TFDP1: variants seen among roughly 807,000 people sequenced by gnomAD.
TFDP1 encodes the protein DRTF1-polypeptide 1.
TFDP1 carries 6 observed loss-of-function variants against 48.0 expected under a neutral mutation model. The ratio of observed to expected loss-of-function variants is 0.13; its 90% CI spans 0.07 to 0.25. The LOEUF is 0.25. Ranked by LOEUF, TFDP1 falls within the 10% of genes least tolerant of loss-of-function variation. The pLI is 1.00. For missense variants in TFDP1, 335 were observed against 543.0 expected (o/e 0.62, Z 3.81); for synonymous variants, 201 against 211.6 (o/e 0.95, Z 0.44).
intron 3 of TFDP1, among the ~76,000 whole-genome samples, chr13:113,615,613 A>C (rs2048837166): frequency 6.6e-6 from 1 of 152,108 alleles, no homozygotes; most frequent in Non-Finnish European, 1.5e-5. Flanking sequence ...ACACTGTTCC[A>C]CACGTTTAGG....
intron 2 of TFDP1, among the ~76,000 whole-genome samples, chr13:113,606,478 A>AG (rs1245156153): frequency 6.6e-6 from 1 of 152,060 alleles, no homozygotes; most frequent in Admixed American, 6.6e-5. Context: ...CCCCTTTATC[A>AG]GGGCACATAC....
intron 3 of TFDP1, among the ~76,000 whole-genome samples, chr13:113,619,620 C>T (rs1397730525): frequency 2.6e-5 from 4 of 152,082 alleles, no homozygotes; most frequent in Non-Finnish European, 5.9e-5. Flanking sequence ...TCGCTGTGGT[C>T]GGGTGGCTGT....
chr13:113,588,816 TG>T lies in TFDP1; in HGVS notation c.12+2968del, dbSNP rs890563069. ...TGGTAGACTCGGGGACAGTGAGTGG[TG>T]ATGGTAGATTGGATGGAGAGTGAGT... On this transcript the variant is annotated intron_variant, in intron 2 of 11. Transcript: ENST00000375370. Among the ~76,000 whole-genome samples, 27 of 147,306 alleles carry T rather than the reference TG, an allele frequency of 1.8e-4. 1 individual carries two copies. Among genetic ancestry groups the T allele is most frequent in the Non-Finnish European group, 3.4e-4 (23 of 67,130 alleles).
Position 113,636,690 on chromosome 13 carries a change from A to G in TFDP1, c.996A>G (p.Pro332=), listed in dbSNP as rs2140643205. 1.9e-6 allele frequency: 3 copies of G among 1,609,464 alleles called. No individual in the cohort carries two copies. Among genetic ancestry groups the G allele is most frequent in the Non-Finnish European group, 2.5e-6 (3 of 1,179,858 alleles). The change falls in exon 10 of 12, where the codon CCA becomes CCG. Residue 332 remains proline, a synonymous_variant. Transcript: ENST00000375370. ...ARSLVPKALE[P]YVTEMAQGTV... is the part of the protein sequence containing the mutation. ...GTCTGGTCCCCAAGGCTCTGGAGCC[A>G]TACGTGACAGGTCAGCAATGCCCAG...
Position 113,637,481 on chromosome 13 carries a change from G to A in TFDP1, c.1007-337G>A, listed in dbSNP as rs993114714. 2.0e-5 allele frequency: 18 copies of A among 903,348 alleles called. No homozygotes were observed. The African/African-American group carries it at 2.6e-4, about 13-fold the overall frequency. The allele number at this position is 903,348 out of a possible 1,614,324, so 56.0% of individuals were successfully genotyped here. A position where few individuals can be genotyped will look rare whatever the true frequency, so the allele number is the denominator to read the frequency against. ...CTTCATGGAGCTGCCAGGATGGGCT[G>A]TGGGAAGAGGGTTTCAGCTTGACAC... On this transcript the variant is annotated intron_variant, in intron 10 of 11. Coordinates refer to ENST00000375370, the MANE Select transcript of TFDP1 (RefSeq NM_007111.5).
chr13:113,637,519 C>T, intron 10 of TFDP1: 1 of 1,207,434 alleles, frequency 8.3e-7, no homozygotes, highest in East Asian at 3.7e-5. Flanking sequence ...TGATTCGGTT[C>T]CGTTTCACGA....
Position 113,636,034 on chromosome 13 carries a change from C to T in TFDP1, c.745C>T (p.Arg249Trp), listed in dbSNP as rs780356196. The T allele has an allele frequency of 7.4e-6, 12 of 1,614,078 alleles. No individual in the cohort carries two copies. The highest frequency in any genetic ancestry group is 1.1e-5 in the South Asian group (1 of 91,084). The change falls in exon 9 of 12, where the codon CGG becomes TGG. Residue 249 changes from arginine to tryptophan, a missense_variant. Physicochemically the swap from Arg to Trp is moderately radical, Grantham distance 101. Transcript: ENST00000375370. Reference protein sequence around the residue: ...RNRHAEQQASRPPPPNSVIHL... With the variant: ...RNRHAEQQASWPPPPNSVIHL... ...CCGGCATGCGGAGCAGCAGGCCAGC[C>T]GGCCACCGCCACCCAACTCAGTCAT... is the stretch of plus-strand genomic sequence containing the variant.
rs1242786889 is a variant in TFDP1 at position 113,598,518 on chromosome 13, C to G, written c.13-12478C>G. On this transcript the variant is annotated intron_variant, in intron 2 of 11. Transcript: ENST00000375370. The surrounding 1 kb of genome is among the most constrained non-coding windows in gnomAD (Gnocchi z 4.2). ...TGGGGCTTCAGAATCCACTGGTTTC[C>G]TGAAGGTTCTGGTGCCCCCGAAGCA... Among the ~76,000 whole-genome samples, 1 of 152,146 alleles carries G rather than the reference C, an allele frequency of 6.6e-6. No individual in the cohort carries two copies. Among genetic ancestry groups the G allele is most frequent in the Non-Finnish European group, 1.5e-5 (1 of 68,028 alleles).
intron 2 of TFDP1, among the ~76,000 whole-genome samples, chr13:113,602,133 C>T (rs3751452): frequency 0.47 from 69,329 of 146,884 alleles, 17,879 homozygotes; most frequent in African/African-American, 0.7. Flanking sequence ...CAGAGTTACC[C>T]GCAGGAGTTG....
rs879064589 is a variant in TFDP1, at chr13:113,633,763, T to C, written c.475-127T>C. 3 of 1,160,680 alleles carry C rather than the reference T, an allele frequency of 2.6e-6. No individual in the cohort carries two copies. The highest frequency in any genetic ancestry group is 6.0e-4 in the Middle Eastern group (2 of 3,336). The allele number at this position is 1,160,680 out of a possible 1,614,324, so 71.9% of individuals were successfully genotyped here. ...TCATCTGTGGGGTGGGAGCGCTCCCTGAGGGCATGTTGGGGTGGCGGCTCC... is the reference window on the plus strand; with the variant it reads ...TCATCTGTGGGGTGGGAGCGCTCCCCGAGGGCATGTTGGGGTGGCGGCTCC... On this transcript the variant is annotated intron_variant, in intron 6 of 11. Coordinates refer to ENST00000375370, the MANE Select transcript of TFDP1 (RefSeq NM_007111.5). This position sits in a 1 kb window ranked among gnomAD's most constrained non-coding sequence, Gnocchi z 4.5.
intron 8 of TFDP1, among the ~76,000 whole-genome samples, chr13:113,634,878 C>CGT (rs4150798): frequency 4.7e-5 from 7 of 150,064 alleles, no homozygotes; most frequent in African/African-American, 1.7e-4. Context: ...TGCCTGTGTG[C>CGT]GTGTGCATGT....
chr13:113,634,700 C>G (rs1594534743), intron 8 of TFDP1, 98 bp downstream of exon 8: 1 of 847,836 alleles, frequency 1.2e-6, no homozygotes, highest in Non-Finnish European at 1.9e-6. Context: ...TCCTGCATGG[C>G]AAATCAAATG....
At chr13:113,593,429 T>TG (rs2048199624) in intron 2 of TFDP1, among the ~76,000 whole-genome samples, 1 of 144,934 alleles carries the variant, frequency 6.9e-6, no homozygotes, top group Non-Finnish European at 1.5e-5. Context: ...ACAGGTGTGC[T>TG]GTGTGCTGAT....
chr13:113,605,491 G>T (rs1383861350), intron 2 of TFDP1, among the ~76,000 whole-genome samples: 6 of 152,244 alleles, frequency 3.9e-5, no homozygotes. Context: ...GCGGCTGTGG[G>T]TCAGGAGTTT....
chr13:113,600,946 A>G (rs757812620), intron 2 of TFDP1, among the ~76,000 whole-genome samples: 2 of 152,204 alleles, frequency 1.3e-5, no homozygotes, highest in African/African-American at 4.8e-5. Flanking sequence ...ATGAGACAGA[A>G]GCCTTGCACG....
intron 3 of TFDP1, among the ~76,000 whole-genome samples, chr13:113,612,113 C>G (rs2048722760): frequency 6.6e-6 from 1 of 152,180 alleles, no homozygotes; most frequent in Non-Finnish European, 1.5e-5. Context: ...GTGTGGTGAC[C>G]AGGCCCCCAC....
chr13:113,615,005 A>G (rs960028917), intron 3 of TFDP1, among the ~76,000 whole-genome samples: 1 of 152,098 alleles, frequency 6.6e-6, no homozygotes, highest in Non-Finnish European at 1.5e-5. Context: ...TGGATAGAGC[A>G]CCGTCAGGTT....
In TFDP1 at chr13:113,627,194, G is replaced by A. The variant is rs1041225717; in HGVS notation, c.186+3908G>A. 1.2e-4 allele frequency among the ~76,000 whole-genome samples: 18 copies of A among 152,224 alleles called. No individual in the cohort carries two copies. Among genetic ancestry groups the A allele is most frequent in the Non-Finnish European group, 2.1e-4 (14 of 68,044 alleles). On this transcript the variant is annotated intron_variant, in intron 4 of 11. Coordinates refer to ENST00000375370, the MANE Select transcript of TFDP1 (RefSeq NM_007111.5). The surrounding 1 kb of genome is among the most constrained non-coding windows in gnomAD (Gnocchi z 4.1). The stretch of plus-strand genomic sequence containing the variant: ...CCGGGCATGTGAGTGAAAGCGGTGG[G>A]GAGGTCCTTAGGTCTCTGACCTGCA...
intron 2 of TFDP1, among the ~76,000 whole-genome samples, chr13:113,597,374 C>T (rs761300438): frequency 1.3e-5 from 2 of 152,224 alleles, no homozygotes; most frequent in Non-Finnish European, 2.9e-5. Context: ...TCCCTGAGGC[C>T]CCAGGCCTGG....
Sources: allele counts gnomAD v4.1 joint callset (sites outside exome capture counted in the v4.1 genomes callset), GRCh38; gene constraint gnomAD v4.1.1; non-coding constraint Gnocchi (gnomAD v3.1); transcripts MANE v1.5; gene names NCBI Gene and HGNC (gene_info 2026-07-23, HGNC 2026-07-21).